SLC25A26: variants seen among roughly 807,000 people sequenced by gnomAD.
SLC25A26 encodes the protein solute carrier family 25 member 26, also known as mitochondrial S-adenosylmethionine carrier protein.
Under a neutral mutation model 37.8 loss-of-function variants are expected in SLC25A26, and 36 were observed. The ratio of observed to expected loss-of-function variants is 0.95; its 90% CI spans 0.73 to 1.26. The LOEUF (loss-of-function observed/expected upper bound fraction) is 1.26. Among genes scored for constraint, SLC25A26 ranks in the 50% most tolerant of loss-of-function variants. The pLI, the probability that SLC25A26 is intolerant of heterozygous loss-of-function variation, is 0.00. For synonymous variants in SLC25A26, 129 were observed against 122.5 expected, an observed-to-expected ratio of 1.05 and a Z score of -0.35; for missense variants, 390 against 331.1, an observed-to-expected ratio of 1.18 and a Z score of -1.38.
intron 2 of SLC25A26, among the ~76,000 whole-genome samples, chr3:66,239,264 C>CTTTTT (rs555707985): frequency 7.0e-6 from 1 of 143,050 alleles, no homozygotes; most frequent in African/African-American, 2.6e-5. Flanking sequence ...CATCCCCAAC[C>CTTTTT]TTTTTTTTTT....
At chr3:66,157,502 T>C (rs1353993234) in intron 1 of SLC25A26, among the ~76,000 whole-genome samples, 1 of 152,264 alleles carries the variant, frequency 6.6e-6, no homozygotes, top group African/African-American at 2.4e-5. Flanking sequence ...GTAGGTACTA[T>C]TGTTATCCCC....
intron 5 of SLC25A26, among the ~76,000 whole-genome samples, chr3:66,288,574 G>A (rs948595758): frequency 2.0e-5 from 3 of 152,154 alleles, no homozygotes; most frequent in Admixed American, 6.6e-5. Context: ...GGAACATGCA[G>A]TGTTTGGTTT....
chr3:66,233,068 C>G (rs782238795), intron 1 of SLC25A26, among the ~76,000 whole-genome samples: 6 of 152,200 alleles, frequency 3.9e-5, no homozygotes, highest in Non-Finnish European at 8.8e-5. Context: ...TCTTAGCTGT[C>G]GTTTAGGCCA....
chr3:66,287,839 T>C (rs2107489890), intron 5 of SLC25A26, among the ~76,000 whole-genome samples: 1 of 152,364 alleles, frequency 6.6e-6, no homozygotes, highest in Middle Eastern at 3.4e-3. Flanking sequence ...ACTGCCTTCT[T>C]AGAATTGAAA....
chr3:66,160,572 A>G (rs1484121837), intron 1 of SLC25A26, among the ~76,000 whole-genome samples: 1 of 152,228 alleles, frequency 6.6e-6, no homozygotes, highest in Non-Finnish European at 1.5e-5. Flanking sequence ...GAATTATTCT[A>G]TGTGCACAAT....
intron 6 of SLC25A26, among the ~76,000 whole-genome samples, chr3:66,350,937 T>TA (rs1199259408): frequency 6.6e-6 from 1 of 152,104 alleles, no homozygotes; most frequent in Non-Finnish European, 1.5e-5. Context: ...GAATTGCCCT[T>TA]ACCACAGATT....
chr3:66,139,220 G>A (rs1478186270), intron 1 of SLC25A26, among the ~76,000 whole-genome samples: 1 of 152,090 alleles, frequency 6.6e-6, no homozygotes, highest in African/African-American at 2.4e-5. Flanking sequence ...AGTGCCATTT[G>A]TGAATAAAAA....
At chr3:66,171,502 T>A (rs923089539) in intron 1 of SLC25A26, among the ~76,000 whole-genome samples, 1 of 152,206 alleles carries the variant, frequency 6.6e-6, no homozygotes, top group African/African-American at 2.4e-5. Context: ...TTCTTTTCTT[T>A]TTTTTTGAGC....
intron 5 of SLC25A26, chr3:66,324,178 G>GT (rs1491469616): frequency 3.4e-4 from 1 of 2,900 alleles, no homozygotes; most frequent in Non-Finnish European, 5.8e-4. Context: ...TTGTTAAAAA[G>GT]TGTGTGTGTG....
At chr3:66,377,100 C>T (rs1204024866) in intron 9 of SLC25A26, among the ~76,000 whole-genome samples, 5 of 152,142 alleles carry the variant, frequency 3.3e-5, no homozygotes, top group African/African-American at 4.8e-5. Context: ...TTTGTATCCT[C>T]GTGGCATTGT....
At chr3:66,189,531 A>G (rs975086886) in intron 1 of SLC25A26, among the ~76,000 whole-genome samples, 12 of 152,140 alleles carry the variant, frequency 7.9e-5, no homozygotes, top group Non-Finnish European at 1.8e-4. Context: ...ACCATCACCA[A>G]GTTGAGTTTG....
At chr3:66,167,161 A>G (rs1018268980) in intron 1 of SLC25A26, among the ~76,000 whole-genome samples, 1 of 152,188 alleles carries the variant, frequency 6.6e-6, no homozygotes, top group Non-Finnish European at 1.5e-5. Flanking sequence ...CAGTGTGAAA[A>G]TGGACTAATA....
At chr3:66,317,914 G>C (rs920092402) in intron 5 of SLC25A26, among the ~76,000 whole-genome samples, 4 of 152,204 alleles carry the variant, frequency 2.6e-5, no homozygotes, top group African/African-American at 7.2e-5. Context: ...GCTGTACTGT[G>C]ATGTGGGGAG....
At chr3:66,249,860 C>G (rs1267489660) in intron 3 of SLC25A26, among the ~76,000 whole-genome samples, 1 of 152,128 alleles carries the variant, frequency 6.6e-6, no homozygotes, top group African/African-American at 2.4e-5. Flanking sequence ...TGACTATTAC[C>G]AGGAAACACA....
At chr3:66,330,406 T>A (rs890063722) in intron 5 of SLC25A26, among the ~76,000 whole-genome samples, 1 of 152,140 alleles carries the variant, frequency 6.6e-6, no homozygotes, top group Non-Finnish European at 1.5e-5. Flanking sequence ...CAGGATTATT[T>A]AAATGTTGTA....
At chr3:66,325,335 A>AG (rs1289093038) in intron 5 of SLC25A26, among the ~76,000 whole-genome samples, 1 of 152,246 alleles carries the variant, frequency 6.6e-6, no homozygotes, top group African/African-American at 2.4e-5. Context: ...ATAGGTGGTC[A>AG]GCTCATGGAT....
intron 1 of SLC25A26, among the ~76,000 whole-genome samples, chr3:66,230,113 A>G (rs924557920): frequency 1.3e-5 from 2 of 152,238 alleles, no homozygotes; most frequent in African/African-American, 4.8e-5. Context: ...ACAAAGTGTT[A>G]TCTCATCATC....
At chr3:66,248,862 C>G (rs1358627764) in intron 3 of SLC25A26, among the ~76,000 whole-genome samples, 1 of 152,190 alleles carries the variant, frequency 6.6e-6, no homozygotes, top group Non-Finnish European at 1.5e-5. Context: ...TAGCTAGTTA[C>G]AAATGGGGAT....
chr3:66,302,526 A>C (rs1187942370), intron 5 of SLC25A26, among the ~76,000 whole-genome samples: 1 of 152,148 alleles, frequency 6.6e-6, no homozygotes. Flanking sequence ...TGGGTCATGT[A>C]ATACTTATTT....
Sources: allele counts gnomAD v4.1 joint callset (sites outside exome capture counted in the v4.1 genomes callset), GRCh38; gene constraint gnomAD v4.1.1; transcripts MANE v1.5; gene names NCBI Gene and HGNC (gene_info 2026-07-23, HGNC 2026-07-21).